UNC80: variants seen among roughly 807,000 people sequenced by gnomAD.
The protein encoded by UNC80 is protein unc-80 homolog.
A neutral mutation model predicts 384.6 loss-of-function variants in UNC80; 164 were observed. The observed-to-expected ratio is 0.43, with a 90% CI of 0.38 to 0.49. The LOEUF is 0.49. Ranked by LOEUF, UNC80 falls within the 20% of genes least tolerant of loss-of-function variation. The pLI is 0.00. For missense variants in UNC80, 3,330 were observed against 4,143.0 expected, an observed-to-expected ratio of 0.80 and a Z score of 5.39; for synonymous variants, 1,486 against 1,527.8, an observed-to-expected ratio of 0.97 and a Z score of 0.64.
intron 7 of UNC80, among the ~76,000 whole-genome samples, chr2:209,808,517 G>A (rs866438788): frequency 7.3e-6 from 1 of 136,726 alleles, no homozygotes; most frequent in African/African-American, 2.8e-5. Flanking sequence ...AGCCGATATC[G>A]CGCCACTAAA....
At chr2:209,882,914 T>C (rs2124899038) in intron 25 of UNC80, among the ~76,000 whole-genome samples, 1 of 152,354 alleles carries the variant, frequency 6.6e-6, no homozygotes, top group South Asian at 2.1e-4. Flanking sequence ...AAAAGATCAA[T>C]CAAATCTTCT....
intron 52 of UNC80, 83 bp from the exon 53 acceptor site, chr2:209,969,685 C>T: frequency 6.6e-7 from 1 of 1,507,712 alleles, no homozygotes; most frequent in Non-Finnish European, 8.9e-7. Flanking sequence ...TCTTAGATGG[C>T]ATCAGAATCA....
chr2:209,902,663 G>A (rs1261854477), intron 28 of UNC80, among the ~76,000 whole-genome samples: 2 of 152,110 alleles, frequency 1.3e-5, no homozygotes, highest in East Asian at 1.9e-4. Context: ...ATTATAACTT[G>A]CCAAAGGCTC....
intron 18 of UNC80, among the ~76,000 whole-genome samples, chr2:209,838,004 C>T (rs1010438657): frequency 1.1e-4 from 17 of 152,096 alleles, no homozygotes; most frequent in African/African-American, 4.1e-4. Flanking sequence ...ATCTCCTGAC[C>T]TCATGATCCG....
intron 31 of UNC80, among the ~76,000 whole-genome samples, chr2:209,915,404 C>CAAAAAAA (rs5838189): frequency 5.2e-5 from 4 of 76,980 alleles, no homozygotes; most frequent in Non-Finnish European, 7.8e-5. Context: ...GACTCTGTCT[C>CAAAAAAA]AAAAAAAAAA....
At chr2:209,975,344 C>T (rs891847304) in intron 56 of UNC80, among the ~76,000 whole-genome samples, 2 of 152,154 alleles carry the variant, frequency 1.3e-5, no homozygotes, top group Non-Finnish European at 1.5e-5. Context: ...TTGATGTCTT[C>T]ACAATACTCT....
rs1205220458 is a variant in UNC80 at position 209,829,258 on chromosome 2, C to T, written c.2505C>T (p.Tyr835=). 1.9e-6 allele frequency: 3 copies of T among 1,551,368 alleles called. No individual in the cohort carries two copies. Among genetic ancestry groups the T allele is most frequent in the Non-Finnish European group, 2.6e-6 (3 of 1,146,754 alleles). The change falls in exon 15 of 65, where the codon TAC becomes TAT. Residue 835 remains tyrosine (Y), a synonymous_variant. Coordinates refer to ENST00000673920, the MANE Select transcript of UNC80 (RefSeq NM_001371986.1). ...ENAQNCLTKL[Y]KLDKMQFRQT... is the part of the protein sequence containing the mutation. ...CCCAGAACTGCCTCACTAAGCTATA[C>T]AAGCTAGATAAGATGCAGTTCCGAC...
rs370653238 is a variant in UNC80 at position 209,917,817 on chromosome 2, C to T, written c.5070C>T (p.Ala1690=). The change falls in exon 32 of 65, where the codon GCC becomes GCT. Residue 1690 remains alanine (A), a synonymous_variant. Transcript: ENST00000673920. ...TGTGTGCAGTGAAGGTGCCTGAGGCCGTGTCCGACATGCTGATGTCAGAGT... is the reference window on the plus strand; with the variant it reads ...TGTGTGCAGTGAAGGTGCCTGAGGCTGTGTCCGACATGCTGATGTCAGAGT... ...FLLCAVKVPE[A]VSDMLMSEFH... is the part of the protein sequence containing the mutation. The T allele has an allele frequency of 7.1e-5, 110 of 1,552,080 alleles. No homozygotes were observed. The highest frequency in any genetic ancestry group is 9.6e-5 in the African/African-American group (7 of 73,126).
At chr2:209,847,076 G>A (rs2082223438) in intron 21 of UNC80, among the ~76,000 whole-genome samples, 1 of 152,020 alleles carries the variant, frequency 6.6e-6, no homozygotes, top group South Asian at 2.1e-4. Context: ...GCAGGTTTGT[G>A]CACTCTCAGT....
chr2:209,948,038 AGT>A (rs1465003559), intron 47 of UNC80, among the ~76,000 whole-genome samples: 5 of 152,112 alleles, frequency 3.3e-5, no homozygotes, highest in African/African-American at 1.2e-4. Context: ...CACTTATAAT[AGT>A]CATAATAATT....
Position 209,775,864 on chromosome 2 carries a change from ATTGTTT to A in UNC80, c.142-14_142-9del. The A allele has an allele frequency of 6.2e-7, 1 of 1,602,438 alleles. No individual in the cohort carries two copies. The highest frequency in any genetic ancestry group is 8.5e-7 in the Non-Finnish European group (1 of 1,175,150). ...GTGGTTTTGGATTTTGGCTTTTCTT[ATTGTTT>A]TTGTTTTTGTATTTACAGTCCTTTG... On this transcript the variant is annotated intron_variant, in intron 2 of 64. Coordinates refer to ENST00000673920, the MANE Select transcript of UNC80 (RefSeq NM_001371986.1).
intron 7 of UNC80, chr2:209,808,810 C>A: frequency 3.3e-5 from 1 of 30,290 alleles, no homozygotes; most frequent in Non-Finnish European, 5.4e-5. Context: ...CACCATGCCG[C>A]GCTCTTTCCT....
chr2:209,932,647 TACTCA>T (rs2090968665), intron 38 of UNC80, among the ~76,000 whole-genome samples: 1 of 152,178 alleles, frequency 6.6e-6, no homozygotes, highest in African/African-American at 2.4e-5. Context: ...AATCTCCAAA[TACTCA>T]ACTTAACAGA....
At chr2:209,896,843 G>A (rs1401531196) in intron 28 of UNC80, among the ~76,000 whole-genome samples, 3 of 152,154 alleles carry the variant, frequency 2.0e-5, no homozygotes, top group African/African-American at 4.8e-5. Flanking sequence ...GGTGAATGTC[G>A]TATGTCCGAG....
chr2:209,817,470 G>A (rs992006012), intron 10 of UNC80, among the ~76,000 whole-genome samples: 3 of 151,014 alleles, frequency 2.0e-5, no homozygotes, highest in Non-Finnish European at 4.4e-5. Context: ...TTTGAAAAAA[G>A]CAAAGCAAAG....
At chr2:209,877,019 A>G (rs984313092) in intron 23 of UNC80, among the ~76,000 whole-genome samples, 2 of 152,218 alleles carry the variant, frequency 1.3e-5, no homozygotes, top group African/African-American at 4.8e-5. Flanking sequence ...AAATATTTGC[A>G]AAGTATGATA....
At position 209,885,822 on chromosome 2, in the gene UNC80, C is replaced by T. The variant is rs559817286; in HGVS notation, c.4111-2273C>T. 3.7e-3 allele frequency among the ~76,000 whole-genome samples: 529 copies of T among 144,554 alleles called. 3 individuals are homozygous for T. The highest frequency in any genetic ancestry group is 0.013 in the African/African-American group (492 of 38,882). The allele number at this position is 144,554 out of a possible 152,430, so 94.8% of individuals were successfully genotyped here. On this transcript the variant is annotated intron_variant, in intron 25 of 64. Transcript: ENST00000673920. ...CCAGGCTGGAGTGCAGTGGTGTGAT[C>T]TTGGCTCACTGCAACCTCCACCTTC...
chr2:209,902,321 T>G (rs1180882899), intron 28 of UNC80, among the ~76,000 whole-genome samples: 1 of 152,212 alleles, frequency 6.6e-6, no homozygotes, highest in Non-Finnish European at 1.5e-5. Context: ...TTTCTTGAGA[T>G]GGAATCTACT....
At chr2:209,955,636 C>T (rs1427299190) in intron 48 of UNC80, among the ~76,000 whole-genome samples, 1 of 143,638 alleles carries the variant, frequency 7.0e-6, no homozygotes, top group Non-Finnish European at 1.5e-5. Flanking sequence ...CTGGCCTTTT[C>T]CTACAACTAG....
Sources: gnomAD v4.1 joint callset for allele counts (sites outside exome capture counted in the v4.1 genomes callset) on GRCh38, gnomAD v4.1.1 for gene constraint, MANE v1.5 for transcripts, NCBI Gene and HGNC (gene_info 2026-07-23, HGNC 2026-07-21) for gene names.